KCNK12: variants seen among roughly 807,000 people sequenced by gnomAD.
The protein encoded by KCNK12 is potassium channel subfamily K member 12.
In KCNK12, 6 loss-of-function variants were observed where a neutral mutation model predicts 25.3. That is an observed-to-expected ratio of 0.24 (90% CI 0.13 to 0.47). KCNK12 has a LOEUF of 0.47. Among genes scored for constraint, KCNK12 ranks in the 20% least tolerant of loss-of-function variants. KCNK12 has a pLI of 0.99. For synonymous variants in KCNK12, 331 were observed against 311.1 expected, an observed-to-expected ratio of 1.06 and a Z score of -0.67; for missense variants, 444 against 661.7, an observed-to-expected ratio of 0.67 and a Z score of 3.61.
At position 47,525,311 on chromosome 2, in the gene KCNK12, C is replaced by T. The variant is rs188780365; in HGVS notation, c.392-3503G>A. On this transcript the variant is annotated intron_variant, in intron 1 of 1. Coordinates refer to ENST00000327876, the MANE Select transcript of KCNK12 (RefSeq NM_022055.2). This position sits in a 1 kb window ranked among gnomAD's most constrained non-coding sequence, Gnocchi z 4.1. ...AGTGCTGTGGATTCTTTCACTCACC[C>T]CCAGGCCAGGGGATGGTTGGAGCAG... is the stretch of plus-strand genomic sequence containing the variant. Among the ~76,000 whole-genome samples, 13 of 152,270 alleles carry T rather than the reference C, an allele frequency of 8.5e-5. No individual in the cohort carries two copies. Among genetic ancestry groups the T allele is most frequent in the Admixed American group, 5.9e-4 (9 of 15,292 alleles).
Position 47,538,404 on chromosome 2 carries a change from G to T in KCNK12, c.392-16596C>A, listed in dbSNP as rs57322452. On this transcript the variant is annotated intron_variant, in intron 1 of 1. Coordinates refer to ENST00000327876, the MANE Select transcript of KCNK12 (RefSeq NM_022055.2). The surrounding 1 kb of genome is among the most constrained non-coding windows in gnomAD (Gnocchi z 4.5). ...AACGGATGTTTGATAAAGGACTAGG[G>T]TAAGAGTGTTTCAGGCTAGTCAACA... Among the ~76,000 whole-genome samples the T allele has an allele frequency of 0.08, 12,184 of 152,126 alleles. 679 individuals are homozygous for T. The highest frequency in any genetic ancestry group is 0.17 in the East Asian group (861 of 5,158).
intron 1 of KCNK12, among the ~76,000 whole-genome samples, chr2:47,558,958 A>T (rs1306149073): frequency 6.6e-6 from 1 of 152,248 alleles, no homozygotes; most frequent in Non-Finnish European, 1.5e-5. Context: ...AGGCAGAACC[A>T]CTGGACTGAG....
chr2:47,532,867 G>A (rs1425005806), intron 1 of KCNK12, among the ~76,000 whole-genome samples: 2 of 152,160 alleles, frequency 1.3e-5, no homozygotes, highest in East Asian at 3.9e-4. Flanking sequence ...GGCCTCCCTC[G>A]GAGAGCTGAG....
In KCNK12 at chr2:47,555,610, G is replaced by C. The variant is rs1368240680; in HGVS notation, c.391+14331C>G. On this transcript the variant is annotated intron_variant, in intron 1 of 1. Coordinates refer to ENST00000327876, the MANE Select transcript of KCNK12 (RefSeq NM_022055.2). This position sits in a 1 kb window ranked among gnomAD's most constrained non-coding sequence, Gnocchi z 4.5. ...TAAAATGGTATACAACTTCTTTTTA[G>C]GTAATTCCTTTTCTATGAAGGCCTC... Among the ~76,000 whole-genome samples, 2 of 152,126 alleles carry C rather than the reference G, an allele frequency of 1.3e-5. No individual in the cohort carries two copies. The highest frequency in any genetic ancestry group is 2.9e-5 in the Non-Finnish European group (2 of 68,024).
At chr2:47,523,725 T>G (rs1193332882) in intron 1 of KCNK12, among the ~76,000 whole-genome samples, 1 of 152,150 alleles carries the variant, frequency 6.6e-6, no homozygotes, top group African/African-American at 2.4e-5. Flanking sequence ...GGTGGAAAGA[T>G]TCACTTACTG....
chr2:47,545,474 G>A (rs1430204613), intron 1 of KCNK12, among the ~76,000 whole-genome samples: 2 of 152,250 alleles, frequency 1.3e-5, no homozygotes, highest in African/African-American at 2.4e-5. Context: ...CCTGGATACA[G>A]ATGGATGTCT....
In KCNK12 at chr2:47,557,445, T is replaced by A. The variant is rs1181436509; in HGVS notation, c.391+12496A>T. On this transcript the variant is annotated intron_variant, in intron 1 of 1. Transcript: ENST00000327876. This position sits in a 1 kb window ranked among gnomAD's most constrained non-coding sequence, Gnocchi z 4.9. The stretch of plus-strand genomic sequence containing the variant: ...CAACTTTTTTTTGTTTGTTTTTTTT[T>A]AATAAATTACCCAGTCTGTGATATT... 7.2e-5 allele frequency among the ~76,000 whole-genome samples: 11 copies of A among 152,076 alleles called. No individual in the cohort carries two copies. The highest frequency in any genetic ancestry group is 1.2e-4 in the African/African-American group (5 of 41,392).
In KCNK12 at chr2:47,548,736, T is replaced by C. The variant is rs988842786; in HGVS notation, c.391+21205A>G. On this transcript the variant is annotated intron_variant, in intron 1 of 1. Transcript: ENST00000327876. The surrounding 1 kb of genome is among the most constrained non-coding windows in gnomAD (Gnocchi z 4.4). ...TTGGAAAAAAGGTAGTTCAGGATTA[T>C]GGTCCCTGAGAGAAGGGAAACAAAC... 2.0e-5 allele frequency among the ~76,000 whole-genome samples: 3 copies of C among 152,242 alleles called. No individual in the cohort carries two copies. The highest frequency in any genetic ancestry group is 4.4e-5 in the Non-Finnish European group (3 of 68,044).
Position 47,521,795 on chromosome 2 carries a change from G to A in KCNK12, c.405C>T (p.Thr135=). 3 of 1,523,434 alleles carry A rather than the reference G, an allele frequency of 2.0e-6. No homozygotes were observed. Among genetic ancestry groups the A allele is most frequent in the Non-Finnish European group, 2.6e-6 (3 of 1,141,210 alleles). 94.4% of individuals were successfully genotyped at this position (1,523,434 alleles called of 1,614,324 possible). A position where few individuals can be genotyped will look rare whatever the true frequency, so the allele number is the denominator to read the frequency against. The change falls in exon 2 of 2, where the codon ACC becomes ACT. Residue 135 remains threonine, a synonymous_variant. Transcript: ENST00000327876. Reference sequence around the variant, plus strand: ...CCTTCCCGCCCACCGTCGCGGGGGTGGTCATGCCGAAACCTGTGGAGACAG... The same window carrying A: ...CCTTCCCGCCCACCGTCGCGGGGGTAGTCATGCCGAAACCTGTGGAGACAG... ...TVVSTIGFGM[T]TPATVGGKAF...
At position 47,547,998 on chromosome 2, in the gene KCNK12, T is replaced by C. The variant is rs1468505282; in HGVS notation, c.391+21943A>G. Among the ~76,000 whole-genome samples the C allele has an allele frequency of 6.6e-6, 1 of 152,150 alleles. No individual in the cohort carries two copies. Among genetic ancestry groups the C allele is most frequent in the Admixed American group, 6.5e-5 (1 of 15,276 alleles). On this transcript the variant is annotated intron_variant, in intron 1 of 1. Transcript: ENST00000327876. This position sits in a 1 kb window ranked among gnomAD's most constrained non-coding sequence, Gnocchi z 5.0. ...TTCCCCCTTGCCGTTCTCATGATAG[T>C]AAGTTCTCATGAGATCTGGTTGTTT...
rs1266707055 is a variant in KCNK12 at position 47,560,522 on chromosome 2, G to C, written c.391+9419C>G. 6.6e-6 allele frequency among the ~76,000 whole-genome samples: 1 copy of C among 152,148 alleles called. No individual in the cohort carries two copies. The highest frequency in any genetic ancestry group is 1.5e-5 in the Non-Finnish European group (1 of 68,026). ...TGGGCTATGGTTCTTCCCCCTCTGT[G>C]GAACTGCACAATTCAGAGACAGCAG... is the stretch of plus-strand genomic sequence containing the variant. On this transcript the variant is annotated intron_variant, in intron 1 of 1. Transcript: ENST00000327876. This position sits in a 1 kb window ranked among gnomAD's most constrained non-coding sequence, Gnocchi z 4.7.
At chr2:47,532,075 TATTC>T (rs1247386221) in intron 1 of KCNK12, among the ~76,000 whole-genome samples, 3 of 152,000 alleles carry the variant, frequency 2.0e-5, no homozygotes, top group African/African-American at 7.3e-5. Context: ...CAAAAAACAA[TATTC>T]ATTCATTCAA....
At chr2:47,568,900 A>C (rs1669834206) in intron 1 of KCNK12, among the ~76,000 whole-genome samples, 1 of 152,014 alleles carries the variant, frequency 6.6e-6, no homozygotes, top group South Asian at 2.1e-4. Flanking sequence ...TTTCTGCTGC[A>C]CTCTATACAG....
At chr2:47,558,807 T>C (rs1558564547) in intron 1 of KCNK12, among the ~76,000 whole-genome samples, 3 of 152,188 alleles carry the variant, frequency 2.0e-5, no homozygotes. Context: ...TTTGGAGGCA[T>C]TGTGATGGTG....
In KCNK12 at chr2:47,513,901, T is replaced by C. The variant is rs188175120; in HGVS notation, c.*7006A>G. 4.6e-5 allele frequency among the ~76,000 whole-genome samples: 7 copies of C among 152,174 alleles called. No individual in the cohort carries two copies. The East Asian group carries it at 9.6e-4, about 21-fold the overall frequency. ...TGTGTTCTCACTAGCACTACCTTGG[T>C]CCACCCTGCCATCTGCTTTCCTCCT... On this transcript the variant is annotated 3_prime_UTR_variant, in exon 2 of 2. Coordinates refer to ENST00000327876, the MANE Select transcript of KCNK12 (RefSeq NM_022055.2).
rs1419423266 is a variant in KCNK12, at chr2:47,521,744, G to C, written c.456C>G (p.Phe152Leu). ...AGAACAGGATGGTCCCAGCGCAGCC[G>C]AACAGCCCGTAGGCGATGAGGAAGG... The part of the protein sequence containing the change: ...GKAFLIAYGL[F>L]GCAGTILFFN... Residue 152 changes from phenylalanine to leucine, a missense_variant, in exon 2 of 2, where the codon TTC becomes TTG. Physicochemically the swap from Phe to Leu is conservative, Grantham distance 22 (BLOSUM62 0). Around this residue, in one of 8 missense-constraint regions of KCNK12, gnomAD observed 44 missense variants for 100.7 expected, o/e 0.44. Transcript: ENST00000327876. 1 of 1,571,936 alleles carries C rather than the reference G, an allele frequency of 6.4e-7. No individual in the cohort carries two copies. Among genetic ancestry groups the C allele is most frequent in the South Asian group, 1.2e-5 (1 of 82,986 alleles).
At position 47,512,273 on chromosome 2, in the gene KCNK12, C is replaced by A. The variant is rs1300118137; in HGVS notation, c.*8634G>T. 3.7e-6 allele frequency: 6 copies of A among 1,610,654 alleles called. No individual in the cohort carries two copies. The East Asian group carries it at 1.3e-4, about 36-fold the overall frequency. On this transcript the variant is annotated 3_prime_UTR_variant, in exon 2 of 2. Coordinates refer to ENST00000327876, the MANE Select transcript of KCNK12 (RefSeq NM_022055.2). ...GATGGAAATCCCCGTGGAACTCCTA[C>A]ATTTTCTCCTCTCTTCTCCTTCCTT...
At chr2:47,559,702 A>T (rs1279209587) in intron 1 of KCNK12, among the ~76,000 whole-genome samples, 1 of 152,206 alleles carries the variant, frequency 6.6e-6, no homozygotes, top group Non-Finnish European at 1.5e-5. Flanking sequence ...GGCCAGCTTT[A>T]GACACATCTT....
Position 47,558,104 on chromosome 2 carries a change from C to G in KCNK12, c.391+11837G>C, listed in dbSNP as rs151203952. ...GGAATCTTGGAAACGGCCATTCATT[C>G]AAATTTACATTGATTCTGAAAATAT... On this transcript the variant is annotated intron_variant, in intron 1 of 1. Transcript: ENST00000327876. Among the ~76,000 whole-genome samples, 3 of 152,350 alleles carry G rather than the reference C, an allele frequency of 2.0e-5. No individual in the cohort carries two copies. The East Asian group carries it at 5.8e-4, about 29-fold the overall frequency.
Sources: allele counts gnomAD v4.1 joint callset (sites outside exome capture counted in the v4.1 genomes callset), GRCh38; gene constraint gnomAD v4.1.1; regional missense constraint gnomAD v4.1.1; non-coding constraint Gnocchi (gnomAD v3.1); transcripts MANE v1.5; gene names NCBI Gene and HGNC (gene_info 2026-07-23, HGNC 2026-07-21).